SERPINI1: variants seen among roughly 807,000 people sequenced by gnomAD.
The protein encoded by SERPINI1 is neuroserpin.
A neutral mutation model predicts 41.1 loss-of-function variants in SERPINI1; 19 were observed. That is an observed-to-expected ratio of 0.46 (90% CI 0.32 to 0.68). The LOEUF is 0.68. Among genes scored for constraint, SERPINI1 ranks in the 30% least tolerant of loss-of-function variants. The pLI is 0.03. For synonymous variants in SERPINI1, 138 were observed against 156.6 expected, an observed-to-expected ratio of 0.88 and a Z score of 0.89; for missense variants, 460 against 479.2, an observed-to-expected ratio of 0.96 and a Z score of 0.37.
intron 5 of SERPINI1, among the ~76,000 whole-genome samples, chr3:167,802,033 C>T (rs1727915562): frequency 6.6e-6 from 1 of 152,078 alleles, no homozygotes; most frequent in East Asian, 1.9e-4. Flanking sequence ...GGAAAGGATT[C>T]CCTATTTAAT....
chr3:167,765,387 C>T (rs1485593473), intron 1 of SERPINI1, among the ~76,000 whole-genome samples: 1 of 152,250 alleles, frequency 6.6e-6, no homozygotes, highest in Admixed American at 6.5e-5. Flanking sequence ...AGCTTGCACC[C>T]TCTGAAGCCA....
Position 167,779,218 on chromosome 3 carries a change from C to T in SERPINI1, c.-18-9893C>T, listed in dbSNP as rs538110526. 3.3e-3 allele frequency among the ~76,000 whole-genome samples: 495 copies of T among 152,002 alleles called. 2 individuals are homozygous for T. The highest frequency in any genetic ancestry group is 0.011 in the African/African-American group (470 of 41,454). On this transcript the variant is annotated intron_variant, in intron 1 of 8. Coordinates refer to ENST00000446050, the MANE Select transcript of SERPINI1 (RefSeq NM_001122752.2). ...TTCTAGCTTAAAAATTTTTTTAAACCGATTAAATGGTAATTATTTTTAAGA... is the reference window on the plus strand; with the variant it reads ...TTCTAGCTTAAAAATTTTTTTAAACTGATTAAATGGTAATTATTTTTAAGA...
At chr3:167,747,006 A>G (rs1388180458) in intron 1 of SERPINI1, among the ~76,000 whole-genome samples, 1 of 152,242 alleles carries the variant, frequency 6.6e-6, no homozygotes, top group Non-Finnish European at 1.5e-5. Context: ...ATTATTCATA[A>G]AAGTGGAAAC....
intron 1 of SERPINI1, among the ~76,000 whole-genome samples, chr3:167,770,034 T>A (rs1448990527): frequency 6.6e-6 from 1 of 151,546 alleles, no homozygotes; most frequent in East Asian, 1.9e-4. Context: ...TTTACTTTTT[T>A]TTTTTTTAAT....
intron 1 of SERPINI1, among the ~76,000 whole-genome samples, chr3:167,778,898 C>T (rs1314001361): frequency 6.6e-6 from 1 of 152,196 alleles, no homozygotes; most frequent in Non-Finnish European, 1.5e-5. Context: ...AAGGAATGAG[C>T]AAGGACAGAT....
chr3:167,793,797 A>G (rs1357353605), intron 4 of SERPINI1, among the ~76,000 whole-genome samples: 1 of 135,314 alleles, frequency 7.4e-6, no homozygotes, highest in Non-Finnish European at 1.6e-5. Context: ...AAAACTATAT[A>G]TACTGTGTGT....
At chr3:167,755,634 G>A (rs1259996084) in intron 1 of SERPINI1, among the ~76,000 whole-genome samples, 1 of 152,100 alleles carries the variant, frequency 6.6e-6, no homozygotes, top group Admixed American at 6.6e-5. Context: ...AATGTAAAAT[G>A]TGACCTTGGT....
At chr3:167,754,903 C>A (rs1343808297) in intron 1 of SERPINI1, among the ~76,000 whole-genome samples, 1 of 152,184 alleles carries the variant, frequency 6.6e-6, no homozygotes, top group Non-Finnish European at 1.5e-5. Flanking sequence ...CCTGCTAGCA[C>A]TTTTTCATTC....
intron 1 of SERPINI1, among the ~76,000 whole-genome samples, chr3:167,744,730 T>G (rs1559992912): frequency 8.2e-6 from 1 of 122,396 alleles, no homozygotes; most frequent in Non-Finnish European, 1.7e-5. Flanking sequence ...AATATATAAA[T>G]ATATATATTA....
intron 1 of SERPINI1, among the ~76,000 whole-genome samples, chr3:167,780,099 T>TATTTTATA (rs2108551069): frequency 6.6e-6 from 1 of 152,036 alleles, no homozygotes; most frequent in Non-Finnish European, 1.5e-5. Flanking sequence ...AAAAATGGAG[T>TATTTTATA]ATATTTATAC....
intron 1 of SERPINI1, among the ~76,000 whole-genome samples, chr3:167,745,392 A>G (rs1443450072): frequency 6.6e-6 from 1 of 152,194 alleles, no homozygotes; most frequent in East Asian, 1.9e-4. Flanking sequence ...AACTAGGAGT[A>G]AAAAGAAACT....
At chr3:167,774,343 A>G (rs1323972006) in intron 1 of SERPINI1, among the ~76,000 whole-genome samples, 3 of 152,144 alleles carry the variant, frequency 2.0e-5, no homozygotes, top group South Asian at 2.1e-4. Context: ...AGCCTAATTC[A>G]TCTTACCAAA....
At chr3:167,797,814 A>G (rs1049897688) in intron 5 of SERPINI1, among the ~76,000 whole-genome samples, 1 of 152,108 alleles carries the variant, frequency 6.6e-6, no homozygotes. Context: ...CCAAAGAACA[A>G]TTTACTTTTG....
chr3:167,750,733 T>C (rs1467155519), intron 1 of SERPINI1, among the ~76,000 whole-genome samples: 2 of 152,184 alleles, frequency 1.3e-5, no homozygotes, highest in African/African-American at 2.4e-5. Flanking sequence ...GAAAATCATA[T>C]AGGTTATTTC....
chr3:167,739,697 A>G (rs1162011077), intron 1 of SERPINI1, among the ~76,000 whole-genome samples: 2 of 152,126 alleles, frequency 1.3e-5, no homozygotes, highest in African/African-American at 4.8e-5. Context: ...TTCTATAAAA[A>G]CTGAATTTGC....
intron 1 of SERPINI1, among the ~76,000 whole-genome samples, chr3:167,761,156 G>T (rs1253197601): frequency 6.6e-6 from 1 of 152,128 alleles, no homozygotes; most frequent in Non-Finnish European, 1.5e-5. Context: ...GGGATTGCAG[G>T]TGTTTTTATA....
chr3:167,760,512 G>A (rs1209737010), intron 1 of SERPINI1, among the ~76,000 whole-genome samples: 1 of 151,114 alleles, frequency 6.6e-6, no homozygotes, highest in Non-Finnish European at 1.5e-5. Context: ...AGCTTTAATT[G>A]GTGAGCTGGT....
chr3:167,818,298 G>A (rs995350812), intron 6 of SERPINI1, among the ~76,000 whole-genome samples: 1 of 152,012 alleles, frequency 6.6e-6, no homozygotes, highest in Non-Finnish European at 1.5e-5. Context: ...AAAGTGCTGG[G>A]ATTACAGGTG....
At chr3:167,824,079 T>G (rs1453150072) in intron 7 of SERPINI1, among the ~76,000 whole-genome samples, 2 of 152,182 alleles carry the variant, frequency 1.3e-5, no homozygotes, top group African/African-American at 4.8e-5. Context: ...GAAACTCTCT[T>G]CAGTTTTTGT....
Sources: allele counts gnomAD v4.1 joint callset (sites outside exome capture counted in the v4.1 genomes callset), GRCh38; gene constraint gnomAD v4.1.1; transcripts MANE v1.5; gene names NCBI Gene and HGNC (gene_info 2026-07-23, HGNC 2026-07-21).